The following WDR47 variants were observed in gnomAD, a reference collection of about 807,000 sequenced individuals.
The protein encoded by WDR47 is WD repeat-containing protein 47.
A neutral mutation model predicts 97.2 loss-of-function variants in WDR47; 32 were observed. The observed-to-expected ratio is 0.33, with a 90% CI of 0.25 to 0.44. The LOEUF (loss-of-function observed/expected upper bound fraction) is 0.44, where lower values mean the gene tolerates loss of function less well. Ranked by LOEUF, WDR47 falls within the 20% of genes least tolerant of loss-of-function variation. The pLI is 1.00. For synonymous variants in WDR47, 375 were observed against 373.5 expected, an observed-to-expected ratio of 1.00 and a Z score of -0.05; for missense variants, 782 against 1,102.3, an observed-to-expected ratio of 0.71 and a Z score of 4.11.
intron 12 of WDR47, among the ~76,000 whole-genome samples, chr1:108,982,314 C>CT (rs909639530): frequency 1.3e-5 from 2 of 152,144 alleles, no homozygotes; most frequent in Non-Finnish European, 2.9e-5. Context: ...AGGATGATTG[C>CT]TTGAGCCCAG....
intron 9 of WDR47, among the ~76,000 whole-genome samples, chr1:108,987,490 T>G (rs917956031): frequency 2.0e-5 from 3 of 151,084 alleles, no homozygotes; most frequent in African/African-American, 7.3e-5. Context: ...GTTTTTGAGA[T>G]GGAGTCTTGC....
chr1:108,978,410 C>T (rs1489345479), intron 13 of WDR47, among the ~76,000 whole-genome samples: 2 of 151,264 alleles, frequency 1.3e-5, no homozygotes, highest in African/African-American at 2.4e-5. Context: ...ACCCGGGAGG[C>T]GGAGCTTGCA....
chr1:109,005,742 G>A (rs977864676), intron 5 of WDR47, among the ~76,000 whole-genome samples: 1 of 151,570 alleles, frequency 6.6e-6, no homozygotes, highest in Non-Finnish European at 1.5e-5. Context: ...CGTGGTACGC[G>A]CCTGTAGTCC....
intron 9 of WDR47, among the ~76,000 whole-genome samples, chr1:108,988,326 G>A (rs890730856): frequency 1.1e-4 from 16 of 150,824 alleles, no homozygotes; most frequent in African/African-American, 3.9e-4. Context: ...AAGCCCACTA[G>A]AAGTTCTAAC....
At chr1:109,035,265 A>C (rs909222500) in intron 1 of WDR47, among the ~76,000 whole-genome samples, 27 of 151,162 alleles carry the variant, frequency 1.8e-4, no homozygotes, top group Non-Finnish European at 3.7e-4. Flanking sequence ...AAAAAAAAAA[A>C]ACCCCACACA....
Position 108,971,407 on chromosome 1 carries a change from C to CA in WDR47, c.*22dup, listed in dbSNP as rs1243974660. ...GTCTTAAGTCTCTGTGCTTTTGCTG[C>CA]ATAGACTGACATGCGGTGTGCTCTA... On this transcript the variant is annotated 3_prime_UTR_variant, in exon 15 of 15. Coordinates refer to ENST00000369962, the MANE Select transcript of WDR47 (RefSeq NM_001142551.2). 2 of 1,613,538 alleles carry CA rather than the reference C, an allele frequency of 1.2e-6. No homozygotes were observed. The highest frequency in any genetic ancestry group is 1.1e-5 in the South Asian group (1 of 90,982).
intron 1 of WDR47, among the ~76,000 whole-genome samples, chr1:109,039,833 C>T (rs1221022005): frequency 2.0e-5 from 3 of 151,870 alleles, no homozygotes; most frequent in South Asian, 2.1e-4. Flanking sequence ...GCTAGGAGTT[C>T]GAGACCAGCC....
At chr1:109,022,663 G>T (rs1372138249) in intron 2 of WDR47, among the ~76,000 whole-genome samples, 1 of 151,936 alleles carries the variant, frequency 6.6e-6, no homozygotes, top group East Asian at 1.9e-4. Context: ...CAGCTCACTG[G>T]AACCTCCGTC....
At chr1:108,993,763 G>A (rs1659544455) in intron 8 of WDR47, among the ~76,000 whole-genome samples, 1 of 152,166 alleles carries the variant, frequency 6.6e-6, no homozygotes, top group African/African-American at 2.4e-5. Flanking sequence ...TTACAATAAT[G>A]AGAGAAGTTT....
chr1:109,036,612 G>A (rs9697801), intron 1 of WDR47, among the ~76,000 whole-genome samples: 6,556 of 150,740 alleles, frequency 0.043, 168 homozygotes, highest in South Asian at 0.079. Context: ...CGAGGCAAGC[G>A]GATCACGGGG....
chr1:108,981,903 G>A (rs755591250), intron 12 of WDR47, 39 bp from the exon 13 acceptor site: 4 of 1,593,358 alleles, frequency 2.5e-6, no homozygotes, highest in Admixed American at 3.5e-5. Flanking sequence ...AGGTGGGAGA[G>A]TATCTTTCCA....
chr1:109,039,686 G>A (rs938773508), intron 1 of WDR47, among the ~76,000 whole-genome samples: 2 of 151,688 alleles, frequency 1.3e-5, no homozygotes, highest in African/African-American at 4.8e-5. Context: ...GTATCCTCAG[G>A]TGTGGGCCAG....
intron 3 of WDR47, among the ~76,000 whole-genome samples, chr1:109,014,281 T>G (rs1191787681): frequency 6.6e-6 from 1 of 152,108 alleles, no homozygotes; most frequent in Non-Finnish European, 1.5e-5. Flanking sequence ...GTATGTTACA[T>G]TTTTAAATAC....
chr1:108,984,139 G>A (rs956551664), intron 10 of WDR47, among the ~76,000 whole-genome samples: 1 of 152,180 alleles, frequency 6.6e-6, no homozygotes. Flanking sequence ...AGTAGAGTGA[G>A]CAGGAGTGAT....
chr1:109,004,173 G>A (rs1387112487), intron 6 of WDR47, among the ~76,000 whole-genome samples: 6 of 151,840 alleles, frequency 4.0e-5, no homozygotes, highest in Non-Finnish European at 8.8e-5. Context: ...GCTGAGGCAG[G>A]AGAGTGGCAC....
chr1:108,990,270 G>A lies in WDR47; in HGVS notation c.1767+984C>T, dbSNP rs560115086. Among the ~76,000 whole-genome samples the A allele has an allele frequency of 3.6e-3, 550 of 151,574 alleles. 4 individuals are homozygous for A. Among genetic ancestry groups the A allele is most frequent in the Middle Eastern group, 0.01 (3 of 292 alleles). ...GTCCCCCAGGCTGGAGTACAATGGC[G>A]CGATCTTGGCTCACTGCAACCTCTG... On this transcript the variant is annotated intron_variant, in intron 9 of 14. Transcript: ENST00000369962.
chr1:109,021,824 G>A (rs1464820712), intron 2 of WDR47, among the ~76,000 whole-genome samples: 1 of 151,706 alleles, frequency 6.6e-6, no homozygotes, highest in East Asian at 1.9e-4. Context: ...ACCACGCCTG[G>A]CCTTTTTTAA....
intron 1 of WDR47, among the ~76,000 whole-genome samples, chr1:109,023,886 TCTACTC>T (rs1327771312): frequency 6.6e-6 from 1 of 152,198 alleles, no homozygotes; most frequent in Non-Finnish European, 1.5e-5. Context: ...TATAATCCTG[TCTACTC>T]CTACATGTTT....
At chr1:109,003,846 C>T (rs574137586) in intron 6 of WDR47, among the ~76,000 whole-genome samples, 10 of 152,212 alleles carry the variant, frequency 6.6e-5, no homozygotes, top group African/African-American at 2.4e-4. Context: ...CATTTCCTCA[C>T]AAAAACACCA....
Sources: allele counts gnomAD v4.1 joint callset (sites outside exome capture counted in the v4.1 genomes callset), GRCh38; gene constraint gnomAD v4.1.1; transcripts MANE v1.5; gene names NCBI Gene and HGNC (gene_info 2026-07-23, HGNC 2026-07-21).